The following ATP9B variants were observed in gnomAD, a reference collection of about 807,000 sequenced individuals.
The protein encoded by ATP9B is ATPase phospholipid transporting 9B.
Under a neutral mutation model 146.1 loss-of-function variants are expected in ATP9B, and 110 were observed. The observed-to-expected ratio is 0.75, with a 90% CI of 0.65 to 0.88. The LOEUF (loss-of-function observed/expected upper bound fraction) is 0.88. Among genes scored for constraint, ATP9B ranks in the 40% least tolerant of loss-of-function variants. ATP9B has a pLI of 0.00. For missense variants in ATP9B, 1,499 were observed against 1,496.4 expected, an observed-to-expected ratio of 1.00 and a Z score of -0.03; for synonymous variants, 604 against 569.7, an observed-to-expected ratio of 1.06 and a Z score of -0.86.
chr18:79,105,538 C>T (rs956002276), intron 2 of ATP9B, among the ~76,000 whole-genome samples: 1 of 152,156 alleles, frequency 6.6e-6, no homozygotes, highest in Non-Finnish European at 1.5e-5. Flanking sequence ...ACAAAAATCC[C>T]AACTTGGACA....
In ATP9B at chr18:79,359,397, C is replaced by G; in HGVS notation, c.2947C>G (p.Leu983Val). Residue 983 changes from leucine to valine, a missense_variant, in exon 26 of 30, where the codon CTG becomes GTG. Physicochemically the swap from Leu to Val is conservative, Grantham distance 32. Transcript: ENST00000426216. ...YTMFPVFSLVLDQDVKPEMAM... is the reference protein window; with the variant it reads ...YTMFPVFSLVVDQDVKPEMAM... Reference sequence around the variant, plus strand: ...CATGTTCCCAGTGTTCTCCTTAGTGCTGGACCAGGACGTGAAGCCAGAGAT... The same window carrying G: ...CATGTTCCCAGTGTTCTCCTTAGTGGTGGACCAGGACGTGAAGCCAGAGAT... The G allele has an allele frequency of 6.2e-7, 1 of 1,614,014 alleles. No homozygotes were observed. The highest frequency in any genetic ancestry group is 1.1e-5 in the South Asian group (1 of 91,080).
intron 26 of ATP9B, chr18:79,361,120 G>C: frequency 1.3e-5 from 2 of 152,326 alleles, no homozygotes; most frequent in South Asian, 4.1e-4. Context: ...GGTCACCAGG[G>C]GTCTTGTAGC....
At chr18:79,289,953 G>C (rs1191964722) in intron 13 of ATP9B, among the ~76,000 whole-genome samples, 1 of 152,314 alleles carries the variant, frequency 6.6e-6, no homozygotes, top group Non-Finnish European at 1.5e-5. Flanking sequence ...GAATGCTGCT[G>C]TCTGATCGTT....
At chr18:79,118,504 C>A (rs1423429603) in intron 4 of ATP9B, among the ~76,000 whole-genome samples, 1 of 145,464 alleles carries the variant, frequency 6.9e-6, no homozygotes, top group Non-Finnish European at 1.5e-5. Flanking sequence ...GGGTTCATGC[C>A]ATTCTCCTGC....
At chr18:79,255,614 C>T (rs1216618781) in intron 12 of ATP9B, among the ~76,000 whole-genome samples, 1 of 152,252 alleles carries the variant, frequency 6.6e-6, no homozygotes, top group African/African-American at 2.4e-5. Context: ...GCAAAGCAGG[C>T]TGCAGTGACT....
chr18:79,101,999 G>T (rs1452056960), intron 2 of ATP9B, among the ~76,000 whole-genome samples: 2 of 151,968 alleles, frequency 1.3e-5, no homozygotes, highest in Admixed American at 1.3e-4. Context: ...AGGCTGGAGT[G>T]CAGTGGCTCG....
chr18:79,310,625 G>T (rs2096647249), intron 15 of ATP9B, among the ~76,000 whole-genome samples: 1 of 152,066 alleles, frequency 6.6e-6, no homozygotes, highest in South Asian at 2.1e-4. Context: ...ACCGTGTCCT[G>T]ACAAGGCACA....
At chr18:79,158,466 T>C (rs1361636464) in intron 7 of ATP9B, among the ~76,000 whole-genome samples, 3 of 151,974 alleles carry the variant, frequency 2.0e-5, no homozygotes, top group African/African-American at 7.3e-5. Context: ...TTAAATTTTG[T>C]TGTAGAGACA....
intron 1 of ATP9B, among the ~76,000 whole-genome samples, chr18:79,071,884 G>GTTTTTT (rs375351848): frequency 1.3e-5 from 1 of 79,870 alleles, no homozygotes; most frequent in Non-Finnish European, 2.4e-5. Flanking sequence ...TTCATGTTTG[G>GTTTTTT]TTTTGTTTTT....
intron 11 of ATP9B, among the ~76,000 whole-genome samples, chr18:79,221,627 G>A (rs915976567): frequency 7.9e-5 from 12 of 151,946 alleles, no homozygotes; most frequent in African/African-American, 2.7e-4. Flanking sequence ...AGGCTGACGT[G>A]GGAGGATCAC....
At chr18:79,178,676 A>G (rs143443093) in intron 8 of ATP9B, among the ~76,000 whole-genome samples, 3 of 152,210 alleles carry the variant, frequency 2.0e-5, no homozygotes, top group African/African-American at 4.8e-5. Context: ...GACTGATTTC[A>G]TATGTGTTAC....
Position 79,262,177 on chromosome 18 carries a change from C to T in ATP9B, c.1268+8636C>T, listed in dbSNP as rs1022140431. On this transcript the variant is annotated intron_variant, in intron 12 of 29. Transcript: ENST00000426216. ...CCATAGAAGTAAAAATTATCTGAAA[C>T]TTTAATTCCTCCTCCTCTCCCCACA... 2.3e-5 allele frequency among the ~76,000 whole-genome samples: 3 copies of T among 129,490 alleles called. No homozygotes were observed. The Admixed American group carries it at 2.7e-4, about 12-fold the overall frequency. The allele number at this position is 129,490 out of a possible 152,430, so 85.0% of individuals were successfully genotyped here.
intron 19 of ATP9B, among the ~76,000 whole-genome samples, chr18:79,338,578 A>C (rs559584533): frequency 1.3e-5 from 2 of 152,030 alleles, no homozygotes; most frequent in East Asian, 3.9e-4. Flanking sequence ...AGGCATCCTG[A>C]CCATCCTTCT....
chr18:79,119,912 A>G (rs182034273), intron 4 of ATP9B, among the ~76,000 whole-genome samples: 1 of 152,354 alleles, frequency 6.6e-6, no homozygotes, highest in East Asian at 1.9e-4. Flanking sequence ...ATTCTTTTAA[A>G]AAGCTTTTAA....
chr18:79,166,478 C>T (rs976959613), intron 7 of ATP9B, among the ~76,000 whole-genome samples: 2 of 152,180 alleles, frequency 1.3e-5, no homozygotes, highest in African/African-American at 4.8e-5. Flanking sequence ...GTGAGTCCTA[C>T]AATGCTGAGC....
At chr18:79,313,425 T>G (rs2096663390) in intron 15 of ATP9B, among the ~76,000 whole-genome samples, 1 of 152,218 alleles carries the variant, frequency 6.6e-6, no homozygotes, top group African/African-American at 2.4e-5. Context: ...AACACATTGT[T>G]TTTTCTGTTA....
chr18:79,263,318 C>T (rs997114529), intron 12 of ATP9B, among the ~76,000 whole-genome samples: 3 of 152,162 alleles, frequency 2.0e-5, no homozygotes, highest in Non-Finnish European at 4.4e-5. Flanking sequence ...CCTGCAAAAC[C>T]TACCCGTGGG....
At chr18:79,332,645 C>T (rs931541600) in intron 17 of ATP9B, among the ~76,000 whole-genome samples, 4 of 152,034 alleles carry the variant, frequency 2.6e-5, no homozygotes, top group Non-Finnish European at 2.9e-5. Flanking sequence ...AAGCTCACTC[C>T]GCATAAACTT....
At chr18:79,315,225 A>G (rs1353896394) in intron 15 of ATP9B, among the ~76,000 whole-genome samples, 2 of 152,262 alleles carry the variant, frequency 1.3e-5, no homozygotes, top group Non-Finnish European at 2.9e-5. Flanking sequence ...GCACTAATGC[A>G]TGAGGCGTGC....
Sources: gnomAD v4.1 joint callset for allele counts (sites outside exome capture counted in the v4.1 genomes callset) on GRCh38, gnomAD v4.1.1 for gene constraint, MANE v1.5 for transcripts, NCBI Gene and HGNC (gene_info 2026-07-23, HGNC 2026-07-21) for gene names.